The following PTPRK variants were observed in gnomAD, a reference collection of about 807,000 sequenced individuals.
The protein encoded by PTPRK is protein tyrosine phosphatase receptor type K.
In PTPRK, 75 loss-of-function variants were observed where a neutral mutation model predicts 178.0. That is an observed-to-expected ratio of 0.42 (90% confidence interval 0.35 to 0.51). The LOEUF (loss-of-function observed/expected upper bound fraction) is 0.51, where lower values mean the gene tolerates loss of function less well. PTPRK is among the 20% of genes least tolerant of loss of function. PTPRK has a pLI of 0.02. For missense variants in PTPRK, 1,441 were observed against 1,797.8 expected (o/e 0.80, Z 3.59); for synonymous variants, 637 against 620.6 (o/e 1.03, Z -0.39).
intron 3 of PTPRK, among the ~76,000 whole-genome samples, chr6:128,263,366 T>C (rs565526656): frequency 6.6e-6 from 1 of 152,278 alleles, no homozygotes; most frequent in Admixed American, 6.5e-5. Context: ...CTGGTAAATG[T>C]TCAACAAATG....
chr6:128,335,863 G>A (rs1327909747), intron 2 of PTPRK, among the ~76,000 whole-genome samples: 1 of 151,920 alleles, frequency 6.6e-6, no homozygotes, highest in Non-Finnish European at 1.5e-5. Context: ...TGGAATTAGT[G>A]GTCTCCAATA....
chr6:128,296,816 C>T lies in PTPRK; in HGVS notation c.495+25223G>A, dbSNP rs1442939799. ...CGAGGCTAGGAAGAAACTATATCAA[C>T]TAACGAGCAAAATAACCAGCTAATA... On this transcript the variant is annotated intron_variant, in intron 3 of 29. Coordinates refer to ENST00000368226, the MANE Select transcript of PTPRK (RefSeq NM_002844.4). Among the ~76,000 whole-genome samples the T allele has an allele frequency of 2.6e-5, 4 of 152,182 alleles. No individual in the cohort carries two copies. In the South Asian group the frequency reaches 6.2e-4, roughly 24 times the overall value.
In PTPRK at chr6:127,973,846, T is replaced by C; in HGVS notation, c.3970-19A>G. The C allele has an allele frequency of 2.5e-6, 4 of 1,602,962 alleles. No individual in the cohort carries two copies. Among genetic ancestry groups the C allele is most frequent in the Non-Finnish European group, 3.4e-6 (4 of 1,172,608 alleles). On this transcript the variant is annotated intron_variant, in intron 27 of 29. Coordinates refer to ENST00000368226, the MANE Select transcript of PTPRK (RefSeq NM_002844.4). ...CCTGTGGCTGTAGAGGGAAGTGTTT[T>C]TATGTAAATACGCTGGGACTACAAT...
chr6:127,978,225 C>A (rs3901172), intron 25 of PTPRK, among the ~76,000 whole-genome samples: 127,551 of 152,192 alleles, frequency 0.84, 54,260 homozygotes, highest in African/African-American at 0.89. Flanking sequence ...GTTCATGAGT[C>A]ATATTGTTTG....
At chr6:128,327,577 C>G (rs1263047498) in intron 2 of PTPRK, among the ~76,000 whole-genome samples, 1 of 152,124 alleles carries the variant, frequency 6.6e-6, no homozygotes, top group Non-Finnish European at 1.5e-5. Flanking sequence ...ATGTCTGATT[C>G]TGGCCCCCAA....
chr6:128,335,162 C>T (rs2128327717), intron 2 of PTPRK, among the ~76,000 whole-genome samples: 1 of 152,206 alleles, frequency 6.6e-6, no homozygotes, highest in African/African-American at 2.4e-5. Flanking sequence ...AATTAACAGC[C>T]ACGTTCTGTC....
rs575864665 is a variant in PTPRK, at chr6:128,380,846, T to A, written c.223+16720A>T. ...TAACAATCTGGGCACAGCCCAAACA[T>A]CTGAAAACAGGTTAAAAAATTACTC... On this transcript the variant is annotated intron_variant, in intron 2 of 29. Coordinates refer to ENST00000368226, the MANE Select transcript of PTPRK (RefSeq NM_002844.4). Among the ~76,000 whole-genome samples the A allele has an allele frequency of 2.0e-5, 3 of 152,224 alleles. No individual in the cohort carries two copies. In the South Asian group the frequency reaches 6.2e-4, roughly 32 times the overall value.
At position 128,112,806 on chromosome 6, in the gene PTPRK, G is replaced by T. The variant is rs192550642; in HGVS notation, c.1163-22814C>A. ...TAGAGTTCAGAGGCCATATTCTTTT[G>T]CTTTCACTTTGTTGGTGAATTAGAA... is the stretch of plus-strand genomic sequence containing the variant. On this transcript the variant is annotated intron_variant, in intron 7 of 29. Transcript: ENST00000368226. Among the ~76,000 whole-genome samples, 397 of 152,204 alleles carry T rather than the reference G, an allele frequency of 2.6e-3. 3 individuals carry two copies. In the South Asian group the frequency reaches 0.029, roughly 11 times the overall value.
chr6:128,366,366 T>C (rs1028073421), intron 2 of PTPRK, among the ~76,000 whole-genome samples: 8 of 152,142 alleles, frequency 5.3e-5, no homozygotes, highest in Non-Finnish European at 1.2e-4. Flanking sequence ...CATAAATATG[T>C]TTCACATCTC....
intron 21 of PTPRK, among the ~76,000 whole-genome samples, chr6:127,986,970 C>T (rs1440377691): frequency 6.6e-6 from 1 of 152,078 alleles, no homozygotes; most frequent in East Asian, 1.9e-4. Context: ...ATAAGCATCA[C>T]CATGGAATCA....
intron 6 of PTPRK, among the ~76,000 whole-genome samples, chr6:128,213,175 T>C (rs1213691086): frequency 1.3e-5 from 2 of 152,066 alleles, no homozygotes; most frequent in Non-Finnish European, 2.9e-5. Flanking sequence ...AAATATACTA[T>C]CTGAAATAAG....
Position 127,977,072 on chromosome 6 carries a change from A to G in PTPRK, c.3712-18T>C. 1 of 1,611,832 alleles carries G rather than the reference A, an allele frequency of 6.2e-7. No individual in the cohort carries two copies. Among genetic ancestry groups the G allele is most frequent in the Non-Finnish European group, 8.5e-7 (1 of 1,178,098 alleles). On this transcript the variant is annotated intron_variant, in intron 25 of 29. Coordinates refer to ENST00000368226, the MANE Select transcript of PTPRK (RefSeq NM_002844.4). ...CTGTAGCTCTGTGAAGAAACAAGGT[A>G]GATGGAGAAATATAAAAACTTAAAA...
chr6:128,246,109 A>C (rs1815411103), intron 3 of PTPRK, among the ~76,000 whole-genome samples: 1 of 152,208 alleles, frequency 6.6e-6, no homozygotes, highest in African/African-American at 2.4e-5. Flanking sequence ...TAGGAAAATA[A>C]GTTTTATTTG....
intron 13 of PTPRK, among the ~76,000 whole-genome samples, chr6:128,022,572 T>A (rs1773688991): frequency 2.0e-5 from 3 of 152,222 alleles, no homozygotes; most frequent in African/African-American, 7.2e-5. Context: ...TGAGTCCAAC[T>A]ACTGTCAATG....
intron 7 of PTPRK, among the ~76,000 whole-genome samples, chr6:128,121,874 T>G (rs1264471243): frequency 1.3e-5 from 2 of 152,130 alleles, no homozygotes; most frequent in African/African-American, 4.8e-5. Flanking sequence ...TGAATTTAGC[T>G]TTCTGATTCT....
chr6:128,120,937 T>C (rs183740548), intron 7 of PTPRK, among the ~76,000 whole-genome samples: 6 of 152,038 alleles, frequency 3.9e-5, no homozygotes, highest in African/African-American at 1.4e-4. Context: ...TTCTGTATAT[T>C]ACCTTTTTTT....
chr6:128,409,780 C>A (rs1303405284), intron 1 of PTPRK, among the ~76,000 whole-genome samples: 1 of 152,128 alleles, frequency 6.6e-6, no homozygotes, highest in Non-Finnish European at 1.5e-5. Flanking sequence ...CGTTTTCCTG[C>A]ACAAGCTCTT....
At chr6:128,324,997 G>A (rs1829349645) in intron 2 of PTPRK, among the ~76,000 whole-genome samples, 1 of 152,074 alleles carries the variant, frequency 6.6e-6, no homozygotes, top group Non-Finnish European at 1.5e-5. Context: ...GCTTATTTAC[G>A]ATTGTTCTGT....
At chr6:128,307,760 T>C (rs1290386999) in intron 3 of PTPRK, among the ~76,000 whole-genome samples, 3 of 152,150 alleles carry the variant, frequency 2.0e-5, no homozygotes, top group Non-Finnish European at 4.4e-5. Flanking sequence ...CACAATATTA[T>C]CTTTACCTAA....
Sources: gnomAD v4.1 joint callset for allele counts (sites outside exome capture counted in the v4.1 genomes callset) on GRCh38, gnomAD v4.1.1 for gene constraint, MANE v1.5 for transcripts, NCBI Gene and HGNC (gene_info 2026-07-23, HGNC 2026-07-21) for gene names.